ARMC10: variants seen among roughly 807,000 people sequenced by gnomAD.
ARMC10 encodes armadillo repeat-containing protein 10.
A neutral mutation model predicts 30.2 loss-of-function variants in ARMC10; 23 were observed. The observed-to-expected ratio is 0.76, with a 90% CI of 0.55 to 1.08. The LOEUF (loss-of-function observed/expected upper bound fraction) is 1.08, where lower values mean the gene tolerates loss of function less well. Ranked by LOEUF, ARMC10 falls within the 50% of genes least tolerant of loss-of-function variation. The pLI is 0.00. For missense variants in ARMC10, 303 were observed against 413.7 expected (o/e 0.73, Z 2.32); for synonymous variants, 111 against 164.4 (o/e 0.68, Z 2.48).
chr7:103,092,351 A>AAC, intron 4 of ARMC10, 126 bp from the exon 5 acceptor site: 2 of 469,968 alleles, frequency 4.3e-6, no homozygotes, highest in East Asian at 6.9e-5. Flanking sequence ...AAAAAAAAAA[A>AAC]GTCGTATTTT....
At chr7:103,076,365 A>G (rs1045427219) in intron 2 of ARMC10, among the ~76,000 whole-genome samples, 3 of 152,198 alleles carry the variant, frequency 2.0e-5, no homozygotes, top group African/African-American at 7.2e-5. Context: ...AAATAAAAAT[A>G]TCTTTATGAT....
At chr7:103,085,606 C>CTTCTTTTTTTTTTTTTT (rs1563322299) in intron 3 of ARMC10, among the ~76,000 whole-genome samples, 2 of 130,572 alleles carry the variant, frequency 1.5e-5, no homozygotes, top group East Asian at 2.2e-4. Flanking sequence ...CATTTCTCTT[C>CTTCTTTTTTTTTTTTTT]TTTTTTTTTT....
At position 103,099,566 on chromosome 7, in the gene ARMC10, A is replaced by T. The variant is rs1802071550; in HGVS notation, c.*1013A>T. 1 of 25,610 alleles carries T rather than the reference A, an allele frequency of 3.9e-5. No homozygotes were observed. Among genetic ancestry groups the T allele is most frequent in the Non-Finnish European group, 2.6e-4 (1 of 3,814 alleles). The allele number at this position is 25,610 out of a possible 1,614,324, so 1.6% of individuals were successfully genotyped here. ...TTTTAAAACACAAAAATTATAGAAT[A>T]TGGGATCCCGTGTGTGTGTGTGTGT... On this transcript the variant is annotated 3_prime_UTR_variant, in exon 7 of 7. Transcript: ENST00000323716.
chr7:103,089,260 A>G (rs191671256), intron 4 of ARMC10: 3 of 236,210 alleles, frequency 1.3e-5, no homozygotes, highest in African/African-American at 2.3e-5. Context: ...TGGGATACCA[A>G]TGGCAGCATT....
At chr7:103,075,561 C>A in intron 1 of ARMC10, 150 bp downstream of exon 1, 1 of 1,023,292 alleles carries the variant, frequency 9.8e-7, no homozygotes, top group Non-Finnish European at 1.3e-6. Context: ...GCTGCGCCGC[C>A]CCCGCCGCCC....
In ARMC10 at chr7:103,075,387, G is replaced by T. The variant is rs759011482; in HGVS notation, c.115G>T (p.Gly39Trp). 1.6e-6 allele frequency: 2 copies of T among 1,288,692 alleles called. No individual in the cohort carries two copies. The highest frequency in any genetic ancestry group is 2.9e-5 in the East Asian group (1 of 35,030). The allele number at this position is 1,288,692 out of a possible 1,614,324, so 79.8% of individuals were successfully genotyped here. A position where few individuals can be genotyped will look rare whatever the true frequency, so the allele number is the denominator to read the frequency against. The change falls in exon 1 of 7, where the codon GGG (glycine) becomes TGG (tryptophan). Residue 39 changes from glycine to tryptophan, a missense_variant. Physicochemically the swap from Gly to Trp is radical, Grantham distance 184 (BLOSUM62 -2). Coordinates refer to ENST00000323716, the MANE Select transcript of ARMC10 (RefSeq NM_031905.5). Reference sequence around the variant, plus strand: ...TCGGCGGCGGGGCGACCGCGAGCTCGGGATACGCTCTTCGAAGTCCGCAGG... The same window carrying T: ...TCGGCGGCGGGGCGACCGCGAGCTCTGGATACGCTCTTCGAAGTCCGCAGG... ...RGRRRGDREL[G>W]IRSSKSAGAL...
At chr7:103,086,284 T>G (rs1449342470) in intron 3 of ARMC10, among the ~76,000 whole-genome samples, 2 of 152,160 alleles carry the variant, frequency 1.3e-5, no homozygotes, top group Non-Finnish European at 2.9e-5. Context: ...TTTTCCAGTT[T>G]TGCCTATAAT....
rs370513780 is a variant in ARMC10, at chr7:103,098,736, A to G, written c.*183A>G. On this transcript the variant is annotated 3_prime_UTR_variant, in exon 7 of 7. Transcript: ENST00000323716. ...GACTATTTTGATGCCAAGTGAATAT[A>G]AGAGCTTGTACTGAAACCATTTATT... 4 of 859,140 alleles carry G rather than the reference A, an allele frequency of 4.7e-6. No homozygotes were observed. Among genetic ancestry groups the G allele is most frequent in the South Asian group, 2.6e-5 (1 of 38,504 alleles). 53.2% of individuals were successfully genotyped at this position (859,140 alleles called of 1,614,324 possible).
At chr7:103,083,545 G>C (rs1302740428) in intron 2 of ARMC10, 137 bp from the exon 3 acceptor site, 3 of 723,928 alleles carry the variant, frequency 4.1e-6, no homozygotes, top group Non-Finnish European at 4.5e-6. Flanking sequence ...AAGATCACTT[G>C]AGCCCAGGAG....
chr7:103,077,853 CATT>C (rs1800030358), intron 2 of ARMC10, among the ~76,000 whole-genome samples: 1 of 152,178 alleles, frequency 6.6e-6, no homozygotes, highest in Non-Finnish European at 1.5e-5. Context: ...CCATAATCAT[CATT>C]ATCTTAGGTA....
At chr7:103,094,240 A>AT (rs764686031) in intron 5 of ARMC10, among the ~76,000 whole-genome samples, 7 of 152,234 alleles carry the variant, frequency 4.6e-5, no homozygotes, top group Non-Finnish European at 8.8e-5. Context: ...ATAGTGGAGG[A>AT]TTAACATAAA....
At chr7:103,090,565 C>G (rs1289776112) in intron 4 of ARMC10, among the ~76,000 whole-genome samples, 1 of 152,012 alleles carries the variant, frequency 6.6e-6, no homozygotes, top group African/African-American at 2.4e-5. Flanking sequence ...AGTGGTGCAA[C>G]CTCAGCTCAC....
At chr7:103,078,823 A>G (rs1322842430) in intron 2 of ARMC10, among the ~76,000 whole-genome samples, 2 of 152,108 alleles carry the variant, frequency 1.3e-5, no homozygotes, top group Non-Finnish European at 2.9e-5. Context: ...AGGCTGGGCA[A>G]CATAGTGAAA....
intron 4 of ARMC10, chr7:103,088,623 G>A (rs545950487): frequency 5.6e-6 from 1 of 180,028 alleles, no homozygotes; most frequent in South Asian, 1.4e-4. Flanking sequence ...AAGTAAAACT[G>A]GGCAAAAGAC....
At chr7:103,098,276 A>G (rs988544164) in intron 6 of ARMC10, 23 bp from the exon 7 acceptor site, 1 of 1,404,470 alleles carries the variant, frequency 7.1e-7, no homozygotes, top group East Asian at 2.6e-5. Flanking sequence ...ATATAAAATA[A>G]TACTCATTGT....
intron 4 of ARMC10, among the ~76,000 whole-genome samples, chr7:103,091,383 A>T (rs1801309302): frequency 6.6e-6 from 1 of 152,200 alleles, no homozygotes; most frequent in Non-Finnish European, 1.5e-5. Flanking sequence ...GTTTCAGAAA[A>T]GTTTCCATCA....
chr7:103,098,557 G>A lies in ARMC10; in HGVS notation c.*4G>A. ...AACAATAATACCCAAAATCTGATTG[G>A]TCATATTTTTCCAAAGAGTAATGCA... On this transcript the variant is annotated 3_prime_UTR_variant, in exon 7 of 7. Coordinates refer to ENST00000323716, the MANE Select transcript of ARMC10 (RefSeq NM_031905.5). 1 of 1,545,776 alleles carries A rather than the reference G, an allele frequency of 6.5e-7. No individual in the cohort carries two copies.
intron 2 of ARMC10, among the ~76,000 whole-genome samples, chr7:103,076,128 C>T (rs1278406644): frequency 6.6e-6 from 1 of 152,206 alleles, no homozygotes; most frequent in Non-Finnish European, 1.5e-5. Context: ...ACTAAATTGC[C>T]TCACACATCA....
chr7:103,077,569 G>A (rs1280690552), intron 2 of ARMC10, among the ~76,000 whole-genome samples: 1 of 151,880 alleles, frequency 6.6e-6, no homozygotes, highest in Non-Finnish European at 1.5e-5. Context: ...ATCCATGAAT[G>A]GATTAATTCA....
Sources: allele counts gnomAD v4.1 joint callset (sites outside exome capture counted in the v4.1 genomes callset), GRCh38; gene constraint gnomAD v4.1.1; transcripts MANE v1.5; gene names NCBI Gene and HGNC (gene_info 2026-07-23, HGNC 2026-07-21).